SRP9: variants seen among roughly 807,000 people sequenced by gnomAD.
The protein encoded by SRP9 is signal recognition particle 9 kDa protein.
Under a neutral mutation model 11.7 loss-of-function variants are expected in SRP9, and 2 were observed. The ratio of observed to expected loss-of-function variants is 0.17; its 90% confidence interval spans 0.07 to 0.54. The LOEUF (loss-of-function observed/expected upper bound fraction) is 0.54, where lower values mean the gene tolerates loss of function less well. Ranked by LOEUF, SRP9 falls within the 20% of genes least tolerant of loss-of-function variation. The probability of loss-of-function intolerance (pLI) is 0.94; values close to 1 mark genes in which losing one functional copy is unlikely to be tolerated. For synonymous variants in SRP9, 27 were observed against 35.6 expected (o/e 0.76, Z 0.86); for missense variants, 54 against 108.1 (o/e 0.50, Z 2.22).
intron 1 of SRP9, 88 bp from the exon 2 acceptor site, chr1:225,783,212 G>A (rs1283101688): frequency 2.0e-6 from 2 of 977,062 alleles, no homozygotes; most frequent in Non-Finnish European, 3.1e-6. Context: ...TATTCTAAAA[G>A]GATCCTTTTC....
At chr1:225,780,091 G>A (rs572620934) in intron 1 of SRP9, among the ~76,000 whole-genome samples, 13 of 151,658 alleles carry the variant, frequency 8.6e-5, no homozygotes, top group Admixed American at 7.2e-4. Flanking sequence ...ATCACAGTTC[G>A]CTGCACCATT....
In SRP9 at chr1:225,778,029, G is replaced by T. The variant is rs1467641379; in HGVS notation, c.72+17G>T. On this transcript the variant is annotated intron_variant, in intron 1 of 2. Transcript: ENST00000304786. ...CCTATGAAGGTAAATCGCTGGCGGG[G>T]CCGCTGCTTTGGGCCCCAGCCCAGG... 7 of 1,613,920 alleles carry T rather than the reference G, an allele frequency of 4.3e-6. No individual in the cohort carries two copies. Among genetic ancestry groups the T allele is most frequent in the Non-Finnish European group, 5.1e-6 (6 of 1,179,958 alleles).
chr1:225,788,484 T>C (rs1339153820), intron 2 of SRP9, among the ~76,000 whole-genome samples: 5 of 151,452 alleles, frequency 3.3e-5, no homozygotes, highest in Non-Finnish European at 7.4e-5. Context: ...TGGCATGATC[T>C]TGGCTCACTG....
At chr1:225,785,867 G>C (rs141414590) in intron 2 of SRP9, among the ~76,000 whole-genome samples, 2,270 of 151,994 alleles carry the variant, frequency 0.015, 59 homozygotes, top group African/African-American at 0.051. Flanking sequence ...ATTTTTAGTA[G>C]AGATGAGATT....
chr1:225,778,912 T>C (rs1298048115), intron 1 of SRP9, among the ~76,000 whole-genome samples: 3 of 152,238 alleles, frequency 2.0e-5, no homozygotes, highest in Admixed American at 6.5e-5. Context: ...AACTCAGTTA[T>C]CTCTTTTATG....
chr1:225,779,464 G>A (rs1665752780), intron 1 of SRP9, among the ~76,000 whole-genome samples: 1 of 152,186 alleles, frequency 6.6e-6, no homozygotes, highest in Non-Finnish European at 1.5e-5. Context: ...GATTTACTGT[G>A]TGAAACTATT....
intron 2 of SRP9, among the ~76,000 whole-genome samples, chr1:225,787,377 A>G (rs1575954974): frequency 6.6e-6 from 1 of 152,224 alleles, no homozygotes; most frequent in East Asian, 1.9e-4. Context: ...TACTAAAAAT[A>G]CAAATATTAG....
rs1320063595 is a variant in SRP9 at position 225,777,932 on chromosome 1, T to C, written c.-9T>C. 6.2e-7 allele frequency: 1 copy of C among 1,613,518 alleles called. No homozygotes were observed. Among genetic ancestry groups the C allele is most frequent in the Non-Finnish European group, 8.5e-7 (1 of 1,179,482 alleles). On this transcript the variant is annotated 5_prime_UTR_variant, in exon 1 of 3. Coordinates refer to ENST00000304786, the MANE Select transcript of SRP9 (RefSeq NM_003133.6). ...CTTGCTTCTCTTTACTTTTCCACTC[T>C]AGGCCACGATGCCGCAGTACCAGAC...
chr1:225,782,010 C>A, intron 1 of SRP9, among the ~76,000 whole-genome samples: 1 of 151,966 alleles, frequency 6.6e-6, no homozygotes, highest in East Asian at 1.9e-4. Flanking sequence ...ATGCAAAGAC[C>A]GTAATGGGGA....
chr1:225,787,040 C>T, intron 2 of SRP9: 2 of 320,858 alleles, frequency 6.2e-6, no homozygotes, highest in South Asian at 4.8e-5. Context: ...GACAGGGTCT[C>T]ATTATATTGC....
In SRP9 at chr1:225,790,419, T is replaced by A. The variant is rs1666005453; in HGVS notation, c.*1060T>A. 6.6e-6 allele frequency: 1 copy of A among 152,256 alleles called. No homozygotes were observed. The highest frequency in any genetic ancestry group is 2.4e-5 in the African/African-American group (1 of 41,472). The allele number at this position is 152,256 out of a possible 1,614,324, so 9.4% of individuals were successfully genotyped here. ...GTAAGTTCCCTTAGCTATATGAATT[T>A]TGGCATGTTTCAGAGAGATCAGTAA... On this transcript the variant is annotated 3_prime_UTR_variant, in exon 3 of 3. Coordinates refer to ENST00000304786, the MANE Select transcript of SRP9 (RefSeq NM_003133.6).
At position 225,783,325 on chromosome 1, in the gene SRP9, AT is replaced by A; in HGVS notation, c.100del (p.Ser34LeufsTer9). ...MKARVVLKYR[H>X]SDGNLCVKVT... ...GCACGTGTGGTTCTCAAATATAGGC[AT>A]TCTGATGGGAACTTGTGTGTTAAAG... On this transcript the variant is annotated frameshift_variant, in exon 2 of 3. Coordinates refer to ENST00000304786, the MANE Select transcript of SRP9 (RefSeq NM_003133.6). LOFTEE classifies it high-confidence loss of function. 6.2e-7 allele frequency: 1 copy of A among 1,612,976 alleles called. No homozygotes were observed. Among genetic ancestry groups the A allele is most frequent in the African/African-American group, 1.3e-5 (1 of 75,040 alleles).
In SRP9 at chr1:225,788,551, G is replaced by A. The variant is rs944456026; in HGVS notation, c.142-689G>A. 1.4e-4 allele frequency among the ~76,000 whole-genome samples: 21 copies of A among 150,186 alleles called. No homozygotes were observed. In the South Asian group the frequency reaches 2.0e-3, roughly 14 times the overall value. ...CTGCCTCAGCCTCCTAAGTAGCTGG[G>A]ATTACAGGCACACGCCACCACGCCC... On this transcript the variant is annotated intron_variant, in intron 2 of 2. Coordinates refer to ENST00000304786, the MANE Select transcript of SRP9 (RefSeq NM_003133.6).
intron 2 of SRP9, among the ~76,000 whole-genome samples, chr1:225,788,380 CTG>C (rs1482704252): frequency 6.6e-6 from 1 of 151,384 alleles, no homozygotes; most frequent in Non-Finnish European, 1.5e-5. Flanking sequence ...GAGTGAGACA[CTG>C]TCTCAAAAAT....
At chr1:225,783,404 A>C (rs182022249) in intron 2 of SRP9, 36 bp downstream of exon 2, 1 of 1,500,046 alleles carries the variant, frequency 6.7e-7, no homozygotes, top group Non-Finnish European at 9.2e-7. Context: ...ATACTTTCAG[A>C]TTTGTTTGAG....
At chr1:225,783,408 G>T (rs777253030) in intron 2 of SRP9, 40 bp downstream of exon 2, 1 of 1,477,278 alleles carries the variant, frequency 6.8e-7, no homozygotes, top group South Asian at 1.2e-5. Context: ...TTTCAGATTT[G>T]TTTGAGTTAA....
chr1:225,784,265 G>T (rs78885788), intron 2 of SRP9, among the ~76,000 whole-genome samples: 3 of 45,538 alleles, frequency 6.6e-5, no homozygotes, highest in Non-Finnish European at 8.4e-5. Flanking sequence ...TTTTTTTTTT[G>T]AGACGGAGTC....
At chr1:225,788,346 A>T (rs1665957500) in intron 2 of SRP9, among the ~76,000 whole-genome samples, 1 of 151,800 alleles carries the variant, frequency 6.6e-6, no homozygotes, top group Admixed American at 6.6e-5. Context: ...AGATTGCACC[A>T]CTACACCCCC....
At chr1:225,781,137 C>CA (rs1201087816) in intron 1 of SRP9, among the ~76,000 whole-genome samples, 1 of 151,936 alleles carries the variant, frequency 6.6e-6, no homozygotes, top group Non-Finnish European at 1.5e-5. Context: ...AAGGTTAAAA[C>CA]AAAAAAAGCA....
Sources: gnomAD v4.1 joint callset for allele counts (sites outside exome capture counted in the v4.1 genomes callset) on GRCh38, gnomAD v4.1.1 for gene constraint, MANE v1.5 for transcripts, NCBI Gene and HGNC (gene_info 2026-07-23, HGNC 2026-07-21) for gene names.